The following ANO3 variants were observed in gnomAD, a reference collection of about 807,000 sequenced individuals.
ANO3 encodes anoctamin-3.
Under a neutral mutation model 144.8 loss-of-function variants are expected in ANO3, and 99 were observed. The observed-to-expected ratio is 0.68, with a 90% CI of 0.58 to 0.81. The LOEUF is 0.81. ANO3 is among the 30% of genes least tolerant of loss of function. The probability of loss-of-function intolerance (pLI) is 0.00; values close to 1 mark genes in which losing one functional copy is unlikely to be tolerated. For missense variants in ANO3, 905 were observed against 1,202.2 expected, an observed-to-expected ratio of 0.75 and a Z score of 3.66; for synonymous variants, 414 against 392.6, an observed-to-expected ratio of 1.05 and a Z score of -0.64.
At chr11:26,398,542 G>A (rs958771785) in intron 1 of ANO3, among the ~76,000 whole-genome samples, 8 of 151,842 alleles carry the variant, frequency 5.3e-5, no homozygotes, top group East Asian at 1.9e-4. Flanking sequence ...TATTTCTTCC[G>A]TATATCTGAG....
At chr11:26,476,051 A>G (rs1213157000) in intron 4 of ANO3, among the ~76,000 whole-genome samples, 3 of 152,214 alleles carry the variant, frequency 2.0e-5, no homozygotes, top group Non-Finnish European at 2.9e-5. Context: ...GGTGATTCTG[A>G]TGCTATTGGT....
chr11:26,491,764 A>G (rs918603759), intron 4 of ANO3, among the ~76,000 whole-genome samples: 4 of 152,204 alleles, frequency 2.6e-5, no homozygotes, highest in Admixed American at 6.5e-5. Flanking sequence ...CTTTTTCTAC[A>G]TAGTCCCCAC....
chr11:26,421,213 A>G (rs1205919094), intron 1 of ANO3, among the ~76,000 whole-genome samples: 1 of 152,094 alleles, frequency 6.6e-6, no homozygotes, highest in Non-Finnish European at 1.5e-5. Context: ...CACGAAATAC[A>G]TAATTATTTT....
chr11:26,497,077 GAC>G (rs1565061880), intron 4 of ANO3, among the ~76,000 whole-genome samples: 1 of 145,200 alleles, frequency 6.9e-6, no homozygotes, highest in African/African-American at 2.6e-5. Flanking sequence ...TATATACACA[GAC>G]ACACAAACCT....
intron 4 of ANO3, among the ~76,000 whole-genome samples, chr11:26,501,820 C>T (rs10834987): frequency 6.6e-6 from 1 of 151,916 alleles, no homozygotes; most frequent in Non-Finnish European, 1.5e-5. Flanking sequence ...AAAAACAGGA[C>T]CACAGAGCAA....
intron 1 of ANO3, among the ~76,000 whole-genome samples, chr11:26,216,103 A>T (rs1292261940): frequency 1.3e-5 from 2 of 152,052 alleles, no homozygotes; most frequent in African/African-American, 4.8e-5. Flanking sequence ...TGTAATAAAG[A>T]TGGAAGGCTT....
intron 3 of ANO3, among the ~76,000 whole-genome samples, chr11:26,461,453 A>T (rs2134055143): frequency 6.6e-6 from 1 of 152,132 alleles, no homozygotes; most frequent in African/African-American, 2.4e-5. Flanking sequence ...TCACACCTTC[A>T]TCCTTCCTAT....
chr11:26,312,855 T>C (rs966626232), intron 1 of ANO3, among the ~76,000 whole-genome samples: 4 of 152,182 alleles, frequency 2.6e-5, no homozygotes, highest in African/African-American at 7.2e-5. Context: ...TTAGATCTCA[T>C]TTGTCAATTT....
At chr11:26,380,153 A>C (rs1238083223) in intron 1 of ANO3, among the ~76,000 whole-genome samples, 2 of 152,184 alleles carry the variant, frequency 1.3e-5, no homozygotes, top group African/African-American at 4.8e-5. Context: ...TTAGGATTTC[A>C]GAATTGTGGG....
At chr11:26,362,747 T>C (rs1207459274) in intron 1 of ANO3, among the ~76,000 whole-genome samples, 1 of 152,228 alleles carries the variant, frequency 6.6e-6, no homozygotes, top group African/African-American at 2.4e-5. Flanking sequence ...TATATTTTGT[T>C]AGTTGCTATT....
chr11:26,207,197 T>C (rs940159804), intron 1 of ANO3, among the ~76,000 whole-genome samples: 2 of 152,100 alleles, frequency 1.3e-5, no homozygotes, highest in African/African-American at 4.8e-5. Flanking sequence ...TATCTTATGT[T>C]AAGTGTTCTT....
At chr11:26,477,240 A>G (rs1346613916) in intron 4 of ANO3, among the ~76,000 whole-genome samples, 1 of 152,150 alleles carries the variant, frequency 6.6e-6, no homozygotes, top group East Asian at 1.9e-4. Flanking sequence ...TAGGAGCTTC[A>G]GAAGAATGGT....
chr11:26,542,059 A>G lies in ANO3; in HGVS notation c.1145A>G (p.Asp382Gly), dbSNP rs1226731042. 7 of 1,610,176 alleles carry G rather than the reference A, an allele frequency of 4.3e-6. No homozygotes were observed. The highest frequency in any genetic ancestry group is 5.9e-6 in the Non-Finnish European group (7 of 1,178,226). The change falls in exon 11 of 27, where the codon GAT (aspartate) becomes GGT (glycine). Residue 382 changes from aspartate to glycine, a missense_variant. Physicochemically the swap from Asp to Gly is moderately conservative, Grantham distance 94. Transcript: ENST00000256737. ...ATGTGGTATAAGCATCAGCCTCTGG[A>G]TTTAATCAGGTACTGCAAATGGAAC... ...WGMWYKHQPL[D>G]LIRLYFGEKI...
At chr11:26,197,465 C>T (rs1851611918) in intron 1 of ANO3, among the ~76,000 whole-genome samples, 1 of 152,148 alleles carries the variant, frequency 6.6e-6, no homozygotes, top group African/African-American at 2.4e-5. Flanking sequence ...TCTCCTGCCT[C>T]AGCCTCCTGA....
chr11:26,451,283 A>C (rs1419535265), intron 3 of ANO3, among the ~76,000 whole-genome samples: 1 of 152,232 alleles, frequency 6.6e-6, no homozygotes, highest in Non-Finnish European at 1.5e-5. Flanking sequence ...AGGGCAAGGC[A>C]TTGCCTCACT....
intron 4 of ANO3, among the ~76,000 whole-genome samples, chr11:26,478,133 G>T (rs1860057829): frequency 6.6e-6 from 1 of 152,096 alleles, no homozygotes; most frequent in Admixed American, 6.6e-5. Flanking sequence ...TCGCCCCAGG[G>T]AAACACTATA....
At position 26,298,008 on chromosome 11, in the gene ANO3, A is replaced by G. The variant is rs547272193; in HGVS notation, c.155-11637A>G. 2.6e-4 allele frequency among the ~76,000 whole-genome samples: 40 copies of G among 152,324 alleles called. No homozygotes were observed. The East Asian group carries it at 4.8e-3, about 18-fold the overall frequency. On this transcript the variant is annotated intron_variant, in intron 1 of 27. Coordinates refer to the ANO3 transcript ENST00000672621. Reference sequence around the variant, plus strand: ...AAAAATGAGGAGCATAGAAACTAGTATCTCAATCCTTGAACATGTTGGGAT... The same window carrying G: ...AAAAATGAGGAGCATAGAAACTAGTGTCTCAATCCTTGAACATGTTGGGAT...
At chr11:26,631,900 C>G (rs1295964177) in intron 18 of ANO3, among the ~76,000 whole-genome samples, 1 of 152,052 alleles carries the variant, frequency 6.6e-6, no homozygotes, top group African/African-American at 2.4e-5. Flanking sequence ...AGTATTTAGA[C>G]CGGGCATGGT....
intron 1 of ANO3, among the ~76,000 whole-genome samples, chr11:26,395,042 T>G (rs1022298639): frequency 1.3e-5 from 2 of 152,142 alleles, no homozygotes; most frequent in South Asian, 4.1e-4. Flanking sequence ...TGTGGAATTT[T>G]GGGGGTTAAA....
Sources: gnomAD v4.1 joint callset for allele counts (sites outside exome capture counted in the v4.1 genomes callset) on GRCh38, gnomAD v4.1.1 for gene constraint, MANE v1.5 for transcripts, NCBI Gene and HGNC (gene_info 2026-07-23, HGNC 2026-07-21) for gene names.